Variants in WNK3 observed in about 807,000 individuals in gnomAD.
WNK3 encodes WNK lysine deficient protein kinase 3, also known as serine/threonine-protein kinase WNK3.
A neutral mutation model predicts 116.7 loss-of-function variants in WNK3; 18 were observed. The observed-to-expected ratio is 0.15, with a 90% CI of 0.11 to 0.23. The LOEUF is 0.23. Among genes scored for constraint, WNK3 ranks in the 10% least tolerant of loss-of-function variants. WNK3 has a pLI of 1.00. For synonymous variants in WNK3, 404 were observed against 469.4 expected (o/e 0.86, Z 1.80); for missense variants, 993 against 1,323.8 (o/e 0.75, Z 3.88).
chrX:54,268,080 G>A lies in WNK3; in HGVS notation c.2038-8742C>T, dbSNP rs966769621. ...AGTCACCTAAGATATCTGAATGCGT[G>A]CACACACACACACACACACACACAC... On this transcript the variant is annotated intron_variant, in intron 10 of 23. Transcript: ENST00000354646. Among the ~76,000 whole-genome samples, 90 of 80,804 alleles carry A rather than the reference G, an allele frequency of 1.1e-3. 1 individual carries two copies. Among genetic ancestry groups the A allele is most frequent in the Admixed American group, 8.9e-3 (60 of 6,767 alleles). 70.2% of individuals were successfully genotyped at this position (80,804 alleles called of 115,157 possible).
chrX:54,284,643 T>C (rs1205613822), intron 10 of WNK3, among the ~76,000 whole-genome samples: 2 of 111,891 alleles, frequency 1.8e-5, no homozygotes, highest in East Asian at 5.5e-4. Context: ...ATTTGGTATA[T>C]CCATAAAATG....
chrX:54,358,475 G>A (rs1487003075), upstream of WNK3: 7 of 111,696 alleles, frequency 6.3e-5, no homozygotes, highest in Non-Finnish European at 1.1e-4. Flanking sequence ...GGTACCCGCC[G>A]GCACCTTTTC....
chrX:54,234,601 C>T (rs1405129592), intron 20 of WNK3, among the ~76,000 whole-genome samples: 12 of 111,290 alleles, frequency 1.1e-4, no homozygotes, highest in Non-Finnish European at 2.1e-4. Flanking sequence ...CTAAGGCAGG[C>T]GGATCACGAG....
intron 2 of WNK3, among the ~76,000 whole-genome samples, chrX:54,324,548 A>T: frequency 8.9e-6 from 1 of 112,495 alleles, no homozygotes; most frequent in Middle Eastern, 4.6e-3. Context: ...AAAGTTCGTG[A>T]CTAGTTTTTA....
intron 2 of WNK3, among the ~76,000 whole-genome samples, chrX:54,325,535 T>C (rs782243728): frequency 4.2e-4 from 45 of 107,549 alleles, no homozygotes; most frequent in Non-Finnish European, 5.2e-4. Context: ...AAAAATTAGC[T>C]GGGCATGGTA....
intron 17 of WNK3, among the ~76,000 whole-genome samples, chrX:54,243,241 CCT>C (rs1159102060): frequency 1.9e-5 from 2 of 106,925 alleles, no homozygotes; most frequent in Non-Finnish European, 3.9e-5. Flanking sequence ...CGTTGAAACC[CCT>C]GTCTCTACTA....
chrX:54,214,163 A>G, intron 22 of WNK3, among the ~76,000 whole-genome samples: 1 of 110,503 alleles, frequency 9.0e-6, no homozygotes, highest in East Asian at 2.8e-4. Context: ...TTGTATTTTT[A>G]GTAGACACGG....
chrX:54,282,939 C>T (rs2147073664), intron 10 of WNK3, among the ~76,000 whole-genome samples: 1 of 111,600 alleles, frequency 9.0e-6, no homozygotes, highest in Admixed American at 9.6e-5. Context: ...ACCAAAAGCA[C>T]AAAGTAACGA....
chrX:54,236,232 C>T (rs2146868797), intron 20 of WNK3, among the ~76,000 whole-genome samples: 1 of 110,585 alleles, frequency 9.0e-6, no homozygotes, highest in Non-Finnish European at 1.9e-5. Flanking sequence ...GCCTCGGCCT[C>T]CCAAGTAGCT....
intron 17 of WNK3, among the ~76,000 whole-genome samples, chrX:54,242,102 A>G (rs2068028972): frequency 8.9e-6 from 1 of 111,944 alleles, no homozygotes; most frequent in Admixed American, 9.5e-5. Context: ...CAAACTCAGT[A>G]AAGTTGGAGG....
intron 2 of WNK3, among the ~76,000 whole-genome samples, chrX:54,328,345 TG>T (rs2069129611): frequency 9.0e-6 from 1 of 111,024 alleles, no homozygotes; most frequent in South Asian, 3.8e-4. Flanking sequence ...CTTATTCTCC[TG>T]GGATTATAAA....
intron 12 of WNK3, among the ~76,000 whole-genome samples, chrX:54,255,262 G>A (rs782481059): frequency 1.8e-5 from 2 of 111,772 alleles, no homozygotes; most frequent in African/African-American, 6.5e-5. Context: ...TTACAGGCGT[G>A]AGCCACTGCG....
intron 3 of WNK3, 65 bp from the exon 4 acceptor site, chrX:54,309,380 A>C (rs2147168817): frequency 4.0e-5 from 34 of 846,863 alleles, no homozygotes. Context: ...GAACACTATT[A>C]AGGTAAGTTA....
At chrX:54,349,819 G>T (rs2069489069) in intron 1 of WNK3, among the ~76,000 whole-genome samples, 1 of 111,571 alleles carries the variant, frequency 9.0e-6, no homozygotes, top group Non-Finnish European at 1.9e-5. Flanking sequence ...GTTGAAGGCT[G>T]CAGTGAACTA....
Position 54,204,403 on chromosome X carries a change from C to A in WNK3, c.4871-2210G>T, listed in dbSNP as rs1464861919. Among the ~76,000 whole-genome samples, 3 of 111,757 alleles carry A rather than the reference C, an allele frequency of 2.7e-5. No individual in the cohort carries two copies. In the East Asian group the frequency reaches 8.4e-4, roughly 31 times the overall value. On this transcript the variant is annotated intron_variant, in intron 22 of 23. Coordinates refer to ENST00000354646, the Ensembl canonical transcript of WNK3. ...AAAGTGCTGAGATTACAGGTGTGAG[C>A]CACTGCACCCAGCCTTAAATATCAA...
chrX:54,233,803 T>C (rs1229548924), intron 20 of WNK3, among the ~76,000 whole-genome samples: 1 of 94,014 alleles, frequency 1.1e-5, no homozygotes, highest in Non-Finnish European at 2.1e-5. Flanking sequence ...AGTGAGACCC[T>C]GTCTCTCTGA....
chrX:54,242,346 G>A (rs1010011623), intron 17 of WNK3, among the ~76,000 whole-genome samples: 9 of 112,030 alleles, frequency 8.0e-5, no homozygotes, highest in Non-Finnish European at 1.5e-4. Context: ...TCTGTCAACA[G>A]TCCACAGAGT....
intron 5 of WNK3, among the ~76,000 whole-genome samples, chrX:54,302,749 ATATATATATTT>A (rs1557167804): frequency 6.8e-5 from 3 of 44,219 alleles, no homozygotes; most frequent in African/African-American, 2.3e-4. Flanking sequence ...ATATATATAT[ATATATATATTT>A]TTTTTTTTTT....
chrX:54,345,894 A>G (rs1473164660), intron 1 of WNK3, among the ~76,000 whole-genome samples: 2 of 110,291 alleles, frequency 1.8e-5, no homozygotes, highest in Non-Finnish European at 3.8e-5. Context: ...ACTTTAGGGA[A>G]ATGTCAGAAC....
Sources: allele counts gnomAD v4.1 joint callset (sites outside exome capture counted in the v4.1 genomes callset), GRCh38; gene constraint gnomAD v4.1.1; transcripts MANE v1.5; gene names NCBI Gene and HGNC (gene_info 2026-07-23, HGNC 2026-07-21).